The following CNTNAP2 variants were observed in gnomAD, a reference collection of about 807,000 sequenced individuals.
The protein encoded by CNTNAP2 is contactin associated protein 2.
In CNTNAP2, 98 loss-of-function variants were observed where a neutral mutation model predicts 155.2. The ratio of observed to expected loss-of-function variants is 0.63; its 90% CI spans 0.54 to 0.75. The LOEUF (loss-of-function observed/expected upper bound fraction) is 0.75. Among genes scored for constraint, CNTNAP2 ranks in the 30% least tolerant of loss-of-function variants. The pLI is 0.00. For missense variants in CNTNAP2, 1,727 were observed against 1,688.1 expected (o/e 1.02, Z -0.40); for synonymous variants, 651 against 631.2 (o/e 1.03, Z -0.47).
intron 11 of CNTNAP2, among the ~76,000 whole-genome samples, chr7:147,540,780 G>A (rs377617511): frequency 2.6e-5 from 4 of 151,932 alleles, no homozygotes; most frequent in Non-Finnish European, 4.4e-5. Context: ...GCAATGAGCC[G>A]AGATGGTGCC....
intron 22 of CNTNAP2, among the ~76,000 whole-genome samples, chr7:148,384,724 G>T (rs1490487922): frequency 6.6e-6 from 1 of 152,128 alleles, no homozygotes; most frequent in African/African-American, 2.4e-5. Context: ...AGAAGATGAG[G>T]CAGGAAGCAA....
intron 15 of CNTNAP2, among the ~76,000 whole-genome samples, chr7:148,037,924 G>A (rs1160399282): frequency 6.6e-6 from 1 of 152,194 alleles, no homozygotes; most frequent in African/African-American, 2.4e-5. Context: ...TGACCCCATT[G>A]TAAGTGGAGG....
intron 8 of CNTNAP2, among the ~76,000 whole-genome samples, chr7:147,255,222 TAC>T (rs377206800): frequency 5.9e-4 from 90 of 151,700 alleles, no homozygotes; most frequent in African/African-American, 1.9e-3. Context: ...AAATATTACA[TAC>T]ACACACACAC....
intron 12 of CNTNAP2, among the ~76,000 whole-genome samples, chr7:147,572,901 T>C (rs892607118): frequency 6.6e-6 from 1 of 152,172 alleles, no homozygotes; most frequent in Non-Finnish European, 1.5e-5. Context: ...TTCCAATTTG[T>C]GGATCACCTT....
At chr7:148,084,268 T>C (rs1318796205) in intron 15 of CNTNAP2, among the ~76,000 whole-genome samples, 1 of 152,218 alleles carries the variant, frequency 6.6e-6, no homozygotes, top group Non-Finnish European at 1.5e-5. Flanking sequence ...ATAAGAGTTT[T>C]ACAGAGGCTT....
intron 8 of CNTNAP2, among the ~76,000 whole-genome samples, chr7:147,226,133 G>A (rs1450711739): frequency 6.6e-6 from 1 of 152,132 alleles, no homozygotes; most frequent in African/African-American, 2.4e-5. Flanking sequence ...AGCATGTTAA[G>A]TTGCAAAGCC....
At chr7:147,514,678 A>T (rs1356913552) in intron 11 of CNTNAP2, among the ~76,000 whole-genome samples, 1 of 151,806 alleles carries the variant, frequency 6.6e-6, no homozygotes, top group African/African-American at 2.4e-5. Flanking sequence ...CATAAAATTC[A>T]CTAAGAACTT....
At chr7:147,288,766 G>T (rs1452180159) in intron 8 of CNTNAP2, among the ~76,000 whole-genome samples, 1 of 152,154 alleles carries the variant, frequency 6.6e-6, no homozygotes, top group East Asian at 1.9e-4. Flanking sequence ...CTTTATGGAT[G>T]AAGAATTGTA....
chr7:146,660,853 A>G (rs1800075154), intron 1 of CNTNAP2, among the ~76,000 whole-genome samples: 1 of 152,214 alleles, frequency 6.6e-6, no homozygotes, highest in African/African-American at 2.4e-5. Context: ...TGGACTGAAC[A>G]CACCCAGTCC....
intron 3 of CNTNAP2, among the ~76,000 whole-genome samples, chr7:146,864,713 G>A (rs1795168131): frequency 6.6e-6 from 1 of 151,926 alleles, no homozygotes; most frequent in Non-Finnish European, 1.5e-5. Flanking sequence ...AGTCAGGCTG[G>A]GCGCGGTGGC....
chr7:148,147,583 C>T lies in CNTNAP2; in HGVS notation c.2647C>T (p.His883Tyr). ...AACCCCTCTCAACGATGACCAGTGG[C>T]ACCGGGTCACTGCAGAGAGGAATGT... ...SPTPLNDDQW[H>Y]RVTAERNVKQ... Residue 883 changes from histidine (H) to tyrosine (Y), a missense_variant, in exon 17 of 24, where the codon CAC becomes TAC. By Grantham distance (83) the His-to-Tyr change is moderately conservative. Transcript: ENST00000361727. 6.2e-7 allele frequency: 1 copy of T among 1,614,090 alleles called. No individual in the cohort carries two copies. Among genetic ancestry groups the T allele is most frequent in the Non-Finnish European group, 8.5e-7 (1 of 1,180,030 alleles).
intron 13 of CNTNAP2, among the ~76,000 whole-genome samples, chr7:147,670,785 C>T (rs941265573): frequency 2.6e-5 from 4 of 152,198 alleles, no homozygotes; most frequent in Admixed American, 2.6e-4. Flanking sequence ...CTCCTGAATT[C>T]CAGGCAAGAG....
At chr7:147,127,411 C>T (rs1315149493) in intron 6 of CNTNAP2, among the ~76,000 whole-genome samples, 1 of 151,414 alleles carries the variant, frequency 6.6e-6, no homozygotes, top group Non-Finnish European at 1.5e-5. Context: ...TCATAAACCA[C>T]AATTTGTGTT....
chr7:147,462,535 A>G (rs1798042965), intron 10 of CNTNAP2, among the ~76,000 whole-genome samples: 1 of 152,196 alleles, frequency 6.6e-6, no homozygotes, highest in African/African-American at 2.4e-5. Flanking sequence ...ATGGAGCCCT[A>G]AAGATATCAG....
chr7:148,352,596 A>G (rs973082526), intron 21 of CNTNAP2, among the ~76,000 whole-genome samples: 1 of 152,238 alleles, frequency 6.6e-6, no homozygotes, highest in African/African-American at 2.4e-5. Context: ...GTGCCTGTCA[A>G]GCTAGAGCCC....
At chr7:147,550,538 C>T (rs1216293904) in intron 11 of CNTNAP2, among the ~76,000 whole-genome samples, 5 of 152,164 alleles carry the variant, frequency 3.3e-5, no homozygotes, top group East Asian at 1.9e-4. Context: ...TACCCAGTCT[C>T]ATATGTCTTT....
chr7:147,960,393 G>A (rs182308600), intron 14 of CNTNAP2, among the ~76,000 whole-genome samples: 1 of 152,270 alleles, frequency 6.6e-6, no homozygotes, highest in Admixed American at 6.5e-5. Context: ...TAAATGGTGA[G>A]ATGATTAACC....
intron 1 of CNTNAP2, among the ~76,000 whole-genome samples, chr7:146,167,438 C>T (rs1798328307): frequency 6.6e-6 from 1 of 152,110 alleles, no homozygotes; most frequent in African/African-American, 2.4e-5. Context: ...CTGTTGTGTG[C>T]TGAGGTATTA....
At chr7:146,736,725 A>T (rs555542521) in intron 1 of CNTNAP2, among the ~76,000 whole-genome samples, 1 of 152,310 alleles carries the variant, frequency 6.6e-6, no homozygotes, top group African/African-American at 2.4e-5. Context: ...ATTACAGTTT[A>T]TGGACAGAAA....
Sources: allele counts gnomAD v4.1 joint callset (sites outside exome capture counted in the v4.1 genomes callset), GRCh38; gene constraint gnomAD v4.1.1; transcripts MANE v1.5; gene names NCBI Gene and HGNC (gene_info 2026-07-23, HGNC 2026-07-21).